CDH9: variants seen among roughly 807,000 people sequenced by gnomAD.
CDH9 encodes the protein cadherin 9, also known as cadherin-9.
In CDH9, 28 loss-of-function variants were observed where a neutral mutation model predicts 70.9. The ratio of observed to expected loss-of-function variants is 0.40; its 90% CI spans 0.29 to 0.54. The LOEUF is 0.54. Among genes scored for constraint, CDH9 ranks in the 20% least tolerant of loss-of-function variants. The pLI, the probability that CDH9 is intolerant of heterozygous loss-of-function variation, is 0.59. For synonymous variants in CDH9, 409 were observed against 343.1 expected (o/e 1.19, Z -2.12); for missense variants, 874 against 984.4 (o/e 0.89, Z 1.50).
At chr5:27,024,397 A>G (rs1743188021) in intron 1 of CDH9, among the ~76,000 whole-genome samples, 1 of 152,124 alleles carries the variant, frequency 6.6e-6, no homozygotes, top group Non-Finnish European at 1.5e-5. Context: ...TGTCACATCA[A>G]GTAAAATCCC....
At chr5:26,883,393 C>T (rs1013975304) in intron 11 of CDH9, among the ~76,000 whole-genome samples, 6 of 151,500 alleles carry the variant, frequency 4.0e-5, no homozygotes, top group Non-Finnish European at 8.8e-5. Flanking sequence ...TAAAATTATC[C>T]GATCATTTCT....
intron 1 of CDH9, among the ~76,000 whole-genome samples, chr5:26,996,328 T>A (rs186704965): frequency 6.6e-6 from 1 of 152,072 alleles, no homozygotes; most frequent in East Asian, 1.9e-4. Context: ...GGTCATATAA[T>A]TTAAATATTT....
In CDH9 at chr5:26,880,924, G is replaced by T; in HGVS notation, c.*212C>A. 2.5e-6 allele frequency: 1 copy of T among 400,184 alleles called. No individual in the cohort carries two copies. The allele number at this position is 400,184 out of a possible 1,614,324, so 24.8% of individuals were successfully genotyped here. On this transcript the variant is annotated 3_prime_UTR_variant, in exon 12 of 12. Transcript: ENST00000231021. The stretch of plus-strand genomic sequence containing the variant: ...TCCTTCCGAGATTGTTAGGCAAAGA[G>T]GGTGAACTGGTTATTACTTTTTTAA...
intron 2 of CDH9, among the ~76,000 whole-genome samples, chr5:26,952,196 T>G (rs982302916): frequency 1.3e-5 from 2 of 149,456 alleles, no homozygotes; most frequent in African/African-American, 4.9e-5. Flanking sequence ...ATTACTAACC[T>G]CAAGTGATCT....
At chr5:26,921,178 C>T (rs528189876) in intron 2 of CDH9, among the ~76,000 whole-genome samples, 1 of 151,900 alleles carries the variant, frequency 6.6e-6, no homozygotes, top group Admixed American at 6.6e-5. Context: ...ATCCCAGAGA[C>T]CACCTAAAAT....
Position 26,906,199 on chromosome 5 carries a change from T to C in CDH9, c.644-73A>G. 2.4e-6 allele frequency: 3 copies of C among 1,237,150 alleles called. No homozygotes were observed. The East Asian group carries it at 7.0e-5, about 29-fold the overall frequency. 76.6% of individuals were successfully genotyped at this position (1,237,150 alleles called of 1,614,324 possible). A position where few individuals can be genotyped will look rare whatever the true frequency, so the allele number is the denominator to read the frequency against. On this transcript the variant is annotated intron_variant, in intron 4 of 11. Transcript: ENST00000231021. ...TAAAATTAAGCTAGACAAGACTCATTTTACAAAAGTTGATTATAACAAACA... is the reference window on the plus strand; with the variant it reads ...TAAAATTAAGCTAGACAAGACTCATCTTACAAAAGTTGATTATAACAAACA...
chr5:27,009,332 T>C (rs1229191153), intron 1 of CDH9, among the ~76,000 whole-genome samples: 1 of 152,076 alleles, frequency 6.6e-6, no homozygotes, highest in African/African-American at 2.4e-5. Context: ...AGATATTGTA[T>C]CTGCTCTCCC....
intron 11 of CDH9, among the ~76,000 whole-genome samples, chr5:26,883,042 T>TAGAG (rs10536720): frequency 0.061 from 535 of 8,734 alleles, 92 homozygotes; most frequent in Middle Eastern, 0.12. Context: ...AGGATCATCT[T>TAGAG]ATATATATAT....
chr5:26,892,361 G>A (rs902646296), intron 7 of CDH9, among the ~76,000 whole-genome samples: 1 of 152,134 alleles, frequency 6.6e-6, no homozygotes, highest in South Asian at 2.1e-4. Flanking sequence ...TAGGTCTGGG[G>A]TGGGAGCTGA....
In CDH9 at chr5:26,881,158, C is replaced by T. The variant is rs1198330362; in HGVS notation, c.2348G>A (p.Gly783Asp). 1.9e-6 allele frequency: 3 copies of T among 1,611,414 alleles called. No homozygotes were observed. The highest frequency in any genetic ancestry group is 2.5e-6 in the Non-Finnish European group (3 of 1,178,594). ...RFKKLADMYG[G>D]DDSDRD ...CTCTTAGTCTCGGTCACTATCATCACCCCCATACATATCGGCAAGTTTTTT... is the reference window on the plus strand; with the variant it reads ...CTCTTAGTCTCGGTCACTATCATCATCCCCATACATATCGGCAAGTTTTTT... The change falls in exon 12 of 12, where the codon GGT (glycine) becomes GAT (aspartate). Residue 783 changes from glycine (G) to aspartate (D), a missense_variant. Coordinates refer to ENST00000231021, the MANE Select transcript of CDH9 (RefSeq NM_016279.4).
At chr5:26,902,988 C>A in intron 6 of CDH9, 2 of 330,892 alleles carry the variant, frequency 6.0e-6, no homozygotes, top group African/African-American at 2.1e-5. Flanking sequence ...TTTTTGGTGA[C>A]AAGTAAATGA....
chr5:26,942,581 C>T (rs886265096), intron 2 of CDH9, among the ~76,000 whole-genome samples: 5 of 152,120 alleles, frequency 3.3e-5, no homozygotes, highest in Non-Finnish European at 7.3e-5. Context: ...TGCTTATTCT[C>T]AGGATGCACG....
chr5:26,909,403 T>C (rs1432062723), intron 3 of CDH9, among the ~76,000 whole-genome samples: 6 of 151,930 alleles, frequency 3.9e-5, no homozygotes, highest in African/African-American at 1.4e-4. Flanking sequence ...TCTTTAGTTA[T>C]TTAAAATAAA....
At chr5:27,021,310 A>G (rs1373725083) in intron 1 of CDH9, among the ~76,000 whole-genome samples, 5 of 151,908 alleles carry the variant, frequency 3.3e-5, no homozygotes, top group Non-Finnish European at 7.4e-5. Context: ...TGACATATTA[A>G]TAGTCAGCAC....
intron 9 of CDH9, among the ~76,000 whole-genome samples, chr5:26,886,680 G>T (rs1740572234): frequency 6.6e-6 from 1 of 152,082 alleles, no homozygotes; most frequent in Admixed American, 6.6e-5. Context: ...TATTTGCAAA[G>T]ACAGATATAC....
chr5:26,999,180 G>T (rs1261390132), intron 1 of CDH9, among the ~76,000 whole-genome samples: 1 of 152,092 alleles, frequency 6.6e-6, no homozygotes, highest in Non-Finnish European at 1.5e-5. Context: ...AAGAGGCAGA[G>T]GTTGCAGTGA....
At chr5:26,931,434 G>A (rs554947255) in intron 2 of CDH9, among the ~76,000 whole-genome samples, 2 of 152,000 alleles carry the variant, frequency 1.3e-5, no homozygotes, top group African/African-American at 2.4e-5. Flanking sequence ...AATTTCAGAG[G>A]GTATAAAATA....
chr5:27,034,496 T>G (rs562671325), intron 1 of CDH9, among the ~76,000 whole-genome samples: 24 of 151,868 alleles, frequency 1.6e-4, no homozygotes, highest in African/African-American at 5.1e-4. Flanking sequence ...AAACTTTGAA[T>G]GTCATTTTAA....
intron 2 of CDH9, among the ~76,000 whole-genome samples, chr5:26,963,350 T>A (rs1742071309): frequency 6.6e-6 from 1 of 152,186 alleles, no homozygotes; most frequent in Non-Finnish European, 1.5e-5. Flanking sequence ...TTTAGTTGAT[T>A]TTGTGTAAGT....
Sources: gnomAD v4.1 joint callset for allele counts (sites outside exome capture counted in the v4.1 genomes callset) on GRCh38, gnomAD v4.1.1 for gene constraint, MANE v1.5 for transcripts, NCBI Gene and HGNC (gene_info 2026-07-23, HGNC 2026-07-21) for gene names.